SPON1: variants seen among roughly 807,000 people sequenced by gnomAD.
SPON1 encodes spondin 1.
In SPON1, 52 loss-of-function variants were observed where a neutral mutation model predicts 111.7. That is an observed-to-expected ratio of 0.47 (90% CI 0.37 to 0.59). The LOEUF (loss-of-function observed/expected upper bound fraction) is 0.59, where lower values mean the gene tolerates loss of function less well. SPON1 is among the 20% of genes least tolerant of loss of function. The pLI, the probability that SPON1 is intolerant of heterozygous loss-of-function variation, is 0.00. For missense variants in SPON1, 957 were observed against 1,068.5 expected, an observed-to-expected ratio of 0.90 and a Z score of 1.46; for synonymous variants, 410 against 395.8, an observed-to-expected ratio of 1.04 and a Z score of -0.43.
chr11:14,110,698 G>A (rs1178136605), intron 5 of SPON1, among the ~76,000 whole-genome samples: 1 of 152,168 alleles, frequency 6.6e-6, no homozygotes, highest in Non-Finnish European at 1.5e-5. Context: ...AAGAACCTGA[G>A]GTCTAATGTC....
At chr11:14,174,666 G>GA (rs1246482754) in intron 6 of SPON1, among the ~76,000 whole-genome samples, 6 of 145,320 alleles carry the variant, frequency 4.1e-5, no homozygotes, top group African/African-American at 1.0e-4. Context: ...ACAAAAAAAA[G>GA]AAAAAAAAGA....
intron 2 of SPON1, among the ~76,000 whole-genome samples, chr11:14,025,242 C>G (rs1397136843): frequency 2.6e-5 from 4 of 152,240 alleles, no homozygotes; most frequent in African/African-American, 9.6e-5. Flanking sequence ...TCTTCTGAGA[C>G]TACCATGGCA....
chr11:14,143,098 A>G (rs1847675594), intron 6 of SPON1, among the ~76,000 whole-genome samples: 1 of 152,018 alleles, frequency 6.6e-6, no homozygotes, highest in Non-Finnish European at 1.5e-5. Context: ...AGTTTTGGTG[A>G]CTCTTAGTGA....
intron 6 of SPON1, among the ~76,000 whole-genome samples, chr11:14,160,926 TATATA>T (rs1554931113): frequency 3.0e-5 from 1 of 33,712 alleles, no homozygotes; most frequent in African/African-American, 1.3e-4. Flanking sequence ...TTTATATATT[TATATA>T]TTTATATATA....
At chr11:14,149,952 A>C (rs1554929740) in intron 6 of SPON1, among the ~76,000 whole-genome samples, 1 of 152,120 alleles carries the variant, frequency 6.6e-6, no homozygotes, top group Non-Finnish European at 1.5e-5. Flanking sequence ...AGGCACTCCT[A>C]GTCTCTTGGG....
chr11:14,069,373 T>C (rs1449593666), intron 3 of SPON1, among the ~76,000 whole-genome samples: 1 of 152,168 alleles, frequency 6.6e-6, no homozygotes, highest in East Asian at 1.9e-4. Flanking sequence ...AGATCCAATA[T>C]GCTATAAGTC....
intron 6 of SPON1, among the ~76,000 whole-genome samples, chr11:14,197,264 A>G (rs1189238386): frequency 1.4e-4 from 21 of 152,114 alleles, no homozygotes; most frequent in African/African-American, 4.3e-4. Flanking sequence ...AGCTCTGTCA[A>G]TTCAGTTGGC....
At chr11:14,114,172 C>T (rs1315651018) in intron 5 of SPON1, among the ~76,000 whole-genome samples, 1 of 151,994 alleles carries the variant, frequency 6.6e-6, no homozygotes, top group African/African-American at 2.4e-5. Context: ...TTTTTTTGTA[C>T]CCACTAACCA....
chr11:14,126,234 T>C (rs1361269816), intron 5 of SPON1, among the ~76,000 whole-genome samples: 2 of 152,124 alleles, frequency 1.3e-5, no homozygotes, highest in Non-Finnish European at 2.9e-5. Context: ...CCCAGTCAGG[T>C]TGACATATAA....
intron 3 of SPON1, among the ~76,000 whole-genome samples, chr11:14,047,168 T>C (rs1445563426): frequency 6.6e-6 from 1 of 152,196 alleles, no homozygotes; most frequent in Non-Finnish European, 1.5e-5. Flanking sequence ...CTTTTGTTTC[T>C]TTTTTATGTT....
intron 5 of SPON1, among the ~76,000 whole-genome samples, chr11:14,084,092 T>C (rs899459806): frequency 3.7e-4 from 56 of 152,180 alleles, no homozygotes; most frequent in African/African-American, 1.2e-3. Flanking sequence ...AAGGCAGAGA[T>C]CTAATGAAAT....
intron 6 of SPON1, among the ~76,000 whole-genome samples, chr11:14,150,612 A>G (rs2133868134): frequency 6.6e-6 from 1 of 152,328 alleles, no homozygotes; most frequent in Admixed American, 6.5e-5. Context: ...ATAATAAAAG[A>G]TAAAAGAATA....
intron 3 of SPON1, 114 bp downstream of exon 3, chr11:14,041,768 C>A: frequency 8.5e-7 from 1 of 1,175,906 alleles, no homozygotes; most frequent in Non-Finnish European, 1.2e-6. Flanking sequence ...ATCTCTCTGC[C>A]CTCCCTTATC....
At chr11:14,080,376 G>A (rs188571186) in intron 5 of SPON1, among the ~76,000 whole-genome samples, 20 of 152,042 alleles carry the variant, frequency 1.3e-4, no homozygotes, top group African/African-American at 4.3e-4. Flanking sequence ...TTACAGGTAT[G>A]GGCCACCATG....
intron 1 of SPON1, among the ~76,000 whole-genome samples, chr11:13,970,871 G>A (rs1271491649): frequency 6.6e-6 from 1 of 152,146 alleles, no homozygotes; most frequent in African/African-American, 2.4e-5. Context: ...CTCGTTTATT[G>A]TCTGCCTCCT....
intron 5 of SPON1, among the ~76,000 whole-genome samples, chr11:14,091,463 G>A (rs1293378386): frequency 6.6e-6 from 1 of 152,208 alleles, no homozygotes; most frequent in East Asian, 1.9e-4. Flanking sequence ...CAGGTCCCGA[G>A]CCCTGCCCCG....
At chr11:14,194,528 T>TCACACACA (rs372569370) in intron 6 of SPON1, among the ~76,000 whole-genome samples, 28 of 106,894 alleles carry the variant, frequency 2.6e-4, no homozygotes, top group African/African-American at 7.7e-4. Context: ...TAGGCCTACT[T>TCACACACA]CACACACACA....
intron 5 of SPON1, among the ~76,000 whole-genome samples, chr11:14,112,010 A>C (rs1554925501): frequency 1.3e-5 from 2 of 151,896 alleles, no homozygotes; most frequent in African/African-American, 4.8e-5. Context: ...TTTGTGCCAG[A>C]GACACCGAGA....
At position 14,094,822 on chromosome 11, in the gene SPON1, C is replaced by G. The variant is rs370699807; in HGVS notation, c.676+14801C>G. Among the ~76,000 whole-genome samples, 25 of 152,302 alleles carry G rather than the reference C, an allele frequency of 1.6e-4. No individual in the cohort carries two copies. The East Asian group carries it at 2.9e-3, about 18-fold the overall frequency. On this transcript the variant is annotated intron_variant, in intron 5 of 15. Transcript: ENST00000576479. ...CCATATGTGGCTGCTGAGTGGACAGCAGCTTGGATGGGGCCAGTGGTGTGT... is the reference window on the plus strand; with the variant it reads ...CCATATGTGGCTGCTGAGTGGACAGGAGCTTGGATGGGGCCAGTGGTGTGT...
Sources: allele counts gnomAD v4.1 joint callset (sites outside exome capture counted in the v4.1 genomes callset), GRCh38; gene constraint gnomAD v4.1.1; transcripts MANE v1.5; gene names NCBI Gene and HGNC (gene_info 2026-07-23, HGNC 2026-07-21).